The following ZNF592 variants were observed in gnomAD, a reference collection of about 807,000 sequenced individuals.
ZNF592 encodes the protein zinc finger protein 592.
Under a neutral mutation model 80.3 loss-of-function variants are expected in ZNF592, and 11 were observed. That is an observed-to-expected ratio of 0.14 (90% CI 0.09 to 0.23). The LOEUF is 0.23. Among genes scored for constraint, ZNF592 ranks in the 10% least tolerant of loss-of-function variants. The pLI, the probability that ZNF592 is intolerant of heterozygous loss-of-function variation, is 1.00. For synonymous variants in ZNF592, 646 were observed against 640.3 expected (o/e 1.01, Z -0.13); for missense variants, 1,420 against 1,633.9 (o/e 0.87, Z 2.26).
chr15:84,752,703 A>C (rs1327929227), intron 1 of ZNF592, among the ~76,000 whole-genome samples: 2 of 152,202 alleles, frequency 1.3e-5, no homozygotes, highest in Admixed American at 1.3e-4. Context: ...TAGACGTTGC[A>C]GTTAGAGAGT....
In ZNF592 at chr15:84,802,315, C is replaced by T. The variant is rs138579744; in HGVS notation, c.3726C>T (p.Asp1242=). ...GATTGCTGGGCCCGGCCCCTGAGGA[C>T]GATGGTGGCCACAATGATCACAGTC... ...ARRLLGPAPE[D]DGGHNDHSQP... Residue 1242 remains aspartate (D), a synonymous_variant, in exon 11 of 11, where the codon GAC becomes GAT. Transcript: ENST00000560079. The T allele has an allele frequency of 4.0e-4, 644 of 1,613,780 alleles. No individual in the cohort carries two copies. In the African/African-American group the frequency reaches 7.4e-3, roughly 19 times the overall value.
chr15:84,798,582 C>T lies in ZNF592; in HGVS notation c.2737-6C>T. ...CCCAGTCAGTAATCGCTCTCCCCATCCCCAGAGCACCCACGGTGTTCCCCG... is the reference window on the plus strand; with the variant it reads ...CCCAGTCAGTAATCGCTCTCCCCATTCCCAGAGCACCCACGGTGTTCCCCG... On this transcript the variant is annotated splice_polypyrimidine_tract_variant and splice_region_variant and intron_variant, in intron 7 of 10. Coordinates refer to ENST00000560079, the MANE Select transcript of ZNF592 (RefSeq NM_014630.3). This position sits in a 1 kb window ranked among gnomAD's most constrained non-coding sequence, Gnocchi z 4.5. 1 of 1,614,082 alleles carries T rather than the reference C, an allele frequency of 6.2e-7. No homozygotes were observed. The highest frequency in any genetic ancestry group is 8.5e-7 in the Non-Finnish European group (1 of 1,180,018).
chr15:84,792,975 C>T (rs902944539), intron 5 of ZNF592, among the ~76,000 whole-genome samples: 1 of 152,138 alleles, frequency 6.6e-6, no homozygotes, highest in African/African-American at 2.4e-5. Context: ...ACCTTTCTAG[C>T]CTTGATTTAA....
At chr15:84,768,106 G>A (rs1164061840) in intron 2 of ZNF592, among the ~76,000 whole-genome samples, 3 of 149,160 alleles carry the variant, frequency 2.0e-5, no homozygotes, top group African/African-American at 7.4e-5. Flanking sequence ...TTGCCCAGCT[G>A]GTATTGAACT....
chr15:84,797,175 C>T (rs968348110), intron 5 of ZNF592, among the ~76,000 whole-genome samples: 4 of 152,178 alleles, frequency 2.6e-5, no homozygotes, highest in Admixed American at 1.3e-4. Context: ...GGCCATGTCT[C>T]ATCTTGAATT....
At chr15:84,765,535 G>GTTTTTTT (rs71453265) in intron 2 of ZNF592, among the ~76,000 whole-genome samples, 21 of 92,290 alleles carry the variant, frequency 2.3e-4, no homozygotes, top group Admixed American at 4.5e-4. Context: ...TGTTATTATT[G>GTTTTTTT]TTTTTTTTTT....
intron 1 of ZNF592, among the ~76,000 whole-genome samples, chr15:84,757,377 T>G (rs560212555): frequency 2.1e-4 from 32 of 151,160 alleles, no homozygotes; most frequent in Non-Finnish European, 3.7e-4. Context: ...TCCAGCACTG[T>G]TACCCAGGCT....
Position 84,764,816 on chromosome 15 carries a change from G to T in ZNF592, c.-150+1G>T. The T allele has an allele frequency of 5.0e-6, 2 of 398,830 alleles. No homozygotes were observed. The highest frequency in any genetic ancestry group is 1.3e-4 in the South Asian group (1 of 7,850). The allele number at this position is 398,830 out of a possible 1,614,324, so 24.7% of individuals were successfully genotyped here. A position where few individuals can be genotyped will look rare whatever the true frequency, so the allele number is the denominator to read the frequency against. ...CCCTTGTTTTGAGATCCTCTCTAAGGTATGATGTCTAGGCTGACCTGAACT... is the reference window on the plus strand; with the variant it reads ...CCCTTGTTTTGAGATCCTCTCTAAGTTATGATGTCTAGGCTGACCTGAACT... On this transcript the variant is annotated splice_donor_variant, in intron 2 of 10. Transcript: ENST00000560079. LOFTEE classifies it low-confidence loss of function (5UTR_SPLICE).
intron 5 of ZNF592, among the ~76,000 whole-genome samples, chr15:84,796,344 C>A (rs1012266024): frequency 6.9e-6 from 1 of 145,106 alleles, no homozygotes; most frequent in South Asian, 2.2e-4. Context: ...TAAATGAAGG[C>A]ACGCCTTTTA....
rs1365557176 is a variant in ZNF592, at chr15:84,758,146, A to AT, written c.-258-6553dup. On this transcript the variant is annotated intron_variant, in intron 1 of 10. Coordinates refer to ENST00000560079, the MANE Select transcript of ZNF592 (RefSeq NM_014630.3). Reference sequence around the variant, plus strand: ...TGCCACCACACCCGGCTAATTTTTTATTTTTTTTAGTAGAGATGGGGTTTC... The same window carrying AT: ...TGCCACCACACCCGGCTAATTTTTTATTTTTTTTTAGTAGAGATGGGGTTTC... Among the ~76,000 whole-genome samples, 6 of 138,772 alleles carry AT rather than the reference A, an allele frequency of 4.3e-5. No individual in the cohort carries two copies. The South Asian group carries it at 9.2e-4, about 21-fold the overall frequency. The allele number at this position is 138,772 out of a possible 152,430, so 91.0% of individuals were successfully genotyped here. A position where few individuals can be genotyped will look rare whatever the true frequency, so the allele number is the denominator to read the frequency against.
In ZNF592 at chr15:84,784,716, C is replaced by T. The variant is rs1005910257; in HGVS notation, c.2041C>T (p.Pro681Ser). 3 of 1,614,004 alleles carry T rather than the reference C, an allele frequency of 1.9e-6. No homozygotes were observed. The African/African-American group carries it at 4.0e-5, about 22-fold the overall frequency. ...APAAPAPSSS[P>S]KHGLTSGSAS... ...AGCAGCCCCAGCCCCTTCATCCTCT[C>T]CCAAACATGGCCTCACTTCGGGCAG... Residue 681 changes from proline to serine, a missense_variant, in exon 4 of 11, where the codon CCC (proline) becomes TCC (serine). Pro to Ser is a moderately conservative substitution (Grantham distance 74). Around this residue, in one of 7 missense-constraint regions of ZNF592, gnomAD observed 524 missense variants for 628.3 expected, o/e 0.83. Coordinates refer to ENST00000560079, the MANE Select transcript of ZNF592 (RefSeq NM_014630.3). The surrounding 1 kb of genome is among the most constrained non-coding windows in gnomAD (Gnocchi z 5.8).
chr15:84,799,224 GA>G lies in ZNF592; in HGVS notation c.3137+15del, dbSNP rs1963023968. The G allele has an allele frequency of 1.9e-6, 3 of 1,613,108 alleles. No individual in the cohort carries two copies. The East Asian group carries it at 6.7e-5, about 36-fold the overall frequency. ...CTACACCTGCGGGTGAGTCCCTGGG[GA>G]TAGTAGTGAGGAGGCCTGAGGTTCA... On this transcript the variant is annotated intron_variant, in intron 9 of 10. Transcript: ENST00000560079. This position sits in a 1 kb window ranked among gnomAD's most constrained non-coding sequence, Gnocchi z 4.2.
At chr15:84,796,969 C>G (rs75894809) in intron 5 of ZNF592, among the ~76,000 whole-genome samples, 8 of 151,980 alleles carry the variant, frequency 5.3e-5, no homozygotes, top group Non-Finnish European at 7.4e-5. Context: ...GAGCTTCCCC[C>G]GCTCCCCCCC....
intron 1 of ZNF592, among the ~76,000 whole-genome samples, chr15:84,749,808 A>T (rs1384956245): frequency 6.6e-6 from 1 of 152,216 alleles, no homozygotes; most frequent in Non-Finnish European, 1.5e-5. Context: ...TACGTTACAC[A>T]GTGAAAGGGG....
rs1963166847 is a variant in ZNF592 at position 84,803,760 on chromosome 15, G to A, written c.*1367G>A. The A allele has an allele frequency of 6.6e-6, 1 of 152,252 alleles. No individual in the cohort carries two copies. The highest frequency in any genetic ancestry group is 1.5e-5 in the Non-Finnish European group (1 of 68,042). 9.4% of individuals were successfully genotyped at this position (152,252 alleles called of 1,614,324 possible). ...TGCCACAGAGAACTCAAATGTGGCA[G>A]AACTGGGATTAGACTTGGGAGACTG... On this transcript the variant is annotated 3_prime_UTR_variant, in exon 11 of 11. Transcript: ENST00000560079.
intron 1 of ZNF592, among the ~76,000 whole-genome samples, chr15:84,750,035 C>T (rs1898968038): frequency 6.6e-6 from 1 of 152,210 alleles, no homozygotes; most frequent in Non-Finnish European, 1.5e-5. Flanking sequence ...GGCGCGGTGG[C>T]TCGCGCCTGT....
intron 1 of ZNF592, among the ~76,000 whole-genome samples, chr15:84,761,229 G>A (rs1004434806): frequency 6.6e-6 from 1 of 152,042 alleles, no homozygotes; most frequent in Non-Finnish European, 1.5e-5. Context: ...GCCTCCCAAA[G>A]TGCTGAGATT....
intron 5 of ZNF592, among the ~76,000 whole-genome samples, chr15:84,793,483 A>T (rs1482265217): frequency 6.6e-6 from 1 of 152,222 alleles, no homozygotes; most frequent in East Asian, 1.9e-4. Flanking sequence ...CAGTTTATCA[A>T]ACCTTTTTGT....
chr15:84,750,969 T>G (rs1898996859), intron 1 of ZNF592, among the ~76,000 whole-genome samples: 1 of 152,198 alleles, frequency 6.6e-6, no homozygotes, highest in African/African-American at 2.4e-5. Context: ...TGACATGATA[T>G]TTACATTTTA....
Sources: gnomAD v4.1 joint callset for allele counts (sites outside exome capture counted in the v4.1 genomes callset) on GRCh38, gnomAD v4.1.1 for gene constraint, gnomAD v4.1.1 regional missense constraint, Gnocchi (gnomAD v3.1) non-coding constraint, MANE v1.5 for transcripts, NCBI Gene and HGNC (gene_info 2026-07-23, HGNC 2026-07-21) for gene names.